Variants in NOTO observed in about 807,000 individuals in gnomAD.
NOTO encodes homeobox protein notochord.
In NOTO, 19 loss-of-function variants were observed where a neutral mutation model predicts 20.5. The observed-to-expected ratio is 0.93, with a 90% CI of 0.65 to 1.36. The LOEUF is 1.36. NOTO is among the 40% of genes most tolerant of loss of function. NOTO has a pLI of 0.00. For missense variants in NOTO, 369 were observed against 336.2 expected (o/e 1.10, Z -0.76); for synonymous variants, 150 against 150.2 (o/e 1.00, Z 0.01).
Position 73,209,174 on chromosome 2 carries a change from C to CAA in NOTO, c.597+577_597+578dup, listed in dbSNP as rs1214608418. 6.9e-3 allele frequency among the ~76,000 whole-genome samples: 367 copies of CAA among 53,220 alleles called. 3 individuals carry two copies. Among genetic ancestry groups the CAA allele is most frequent in the African/African-American group, 0.021 (325 of 15,474 alleles). The allele number at this position is 53,220 out of a possible 152,430, so 34.9% of individuals were successfully genotyped here. On this transcript the variant is annotated intron_variant, in intron 2 of 2. Coordinates refer to ENST00000398468, the MANE Select transcript of NOTO (RefSeq NM_001134462.2). ...TGGGCAACATTTGGAGAGCCCGTCT[C>CAA]AAAAAAAAAAAAAAAAAAGAAGAAG... is the stretch of plus-strand genomic sequence containing the variant.
rs1166924214 is a variant in NOTO, at chr2:73,211,152, G to A, written c.*223G>A. On this transcript the variant is annotated 3_prime_UTR_variant, in exon 3 of 3. Transcript: ENST00000398468. ...CAGCTATGTCCTTGGCCAACCTATGGAACTTCCGAGCCTTTTTTCTTTATC... is the reference window on the plus strand; with the variant it reads ...CAGCTATGTCCTTGGCCAACCTATGAAACTTCCGAGCCTTTTTTCTTTATC... 1 of 497,518 alleles carries A rather than the reference G, an allele frequency of 2.0e-6. No homozygotes were observed. The highest frequency in any genetic ancestry group is 3.3e-5 in the East Asian group (1 of 30,162). The allele number at this position is 497,518 out of a possible 1,614,324, so 30.8% of individuals were successfully genotyped here. A position where few individuals can be genotyped will look rare whatever the true frequency, so the allele number is the denominator to read the frequency against.
intron 2 of NOTO, among the ~76,000 whole-genome samples, chr2:73,210,018 G>A (rs1686156522): frequency 6.6e-6 from 1 of 152,060 alleles, no homozygotes; most frequent in Non-Finnish European, 1.5e-5. Context: ...GCTCTCCCGG[G>A]GCCGCTGCAG....
chr2:73,203,987 T>C lies in NOTO; in HGVS notation c.382+939T>C, dbSNP rs1285240568. ...GGTGGCGCGTGCCTGTAGTCCCAGC[T>C]ACACAGGAGGCTGAGGCAGGAGAAT... On this transcript the variant is annotated intron_variant, in intron 1 of 2. Transcript: ENST00000398468. Among the ~76,000 whole-genome samples, 9 of 124,464 alleles carry C rather than the reference T, an allele frequency of 7.2e-5. 3 individuals carry two copies. The highest frequency in any genetic ancestry group is 3.4e-4 in the African/African-American group (9 of 26,756). The allele number at this position is 124,464 out of a possible 152,430, so 81.7% of individuals were successfully genotyped here. A position where few individuals can be genotyped will look rare whatever the true frequency, so the allele number is the denominator to read the frequency against.
rs1397069666 is a variant in NOTO at position 73,208,586 on chromosome 2, C to A, written c.569C>A (p.Ala190Glu). 9 of 1,551,088 alleles carry A rather than the reference C, an allele frequency of 5.8e-6. No individual in the cohort carries two copies. The Admixed American group carries it at 1.8e-4, about 30-fold the overall frequency. Reference sequence around the variant, plus strand: ...GTGGGGAAGAAGAGAGCCCAGCTGGCAGCTCGGCTCAAACTTACAGAGAAC... The same window carrying A: ...GTGGGGAAGAAGAGAGCCCAGCTGGAAGCTCGGCTCAAACTTACAGAGAAC... The part of the protein sequence containing the change: ...NLVGKKRAQL[A>E]ARLKLTENQV... Residue 190 changes from alanine (A) to glutamate (E), a missense_variant, in exon 2 of 3, where the codon GCA becomes GAA. By Grantham distance (107) the Ala-to-Glu change is moderately radical (BLOSUM62 -1). Transcript: ENST00000398468.
chr2:73,210,191 C>A (rs969422245), intron 2 of NOTO, among the ~76,000 whole-genome samples: 1 of 152,210 alleles, frequency 6.6e-6, no homozygotes, highest in Non-Finnish European at 1.5e-5. Context: ...TGATCTGGCA[C>A]CCGCTGACCT....
intron 1 of NOTO, among the ~76,000 whole-genome samples, chr2:73,204,098 C>CAA (rs1189040660): frequency 0.012 from 336 of 27,234 alleles, 20 homozygotes; most frequent in African/African-American, 0.054. Flanking sequence ...AACTCCGTCT[C>CAA]AAAAAAAAAA....
chr2:73,203,182 C>G lies in NOTO; in HGVS notation c.382+134C>G, dbSNP rs538372896. 60 of 786,126 alleles carry G rather than the reference C, an allele frequency of 7.6e-5. 1 individual carries two copies. Among genetic ancestry groups the G allele is most frequent in the Non-Finnish European group, 1.0e-4 (56 of 560,720 alleles). 48.7% of individuals were successfully genotyped at this position (786,126 alleles called of 1,614,324 possible). A position where few individuals can be genotyped will look rare whatever the true frequency, so the allele number is the denominator to read the frequency against. ...CACACGGCTGGAGTGGGAAGGGGCT[C>G]TGCCACCGTTTACCTTGCAGTTGAA... On this transcript the variant is annotated intron_variant, in intron 1 of 2. Coordinates refer to ENST00000398468, the MANE Select transcript of NOTO (RefSeq NM_001134462.2).
At position 73,204,870 on chromosome 2, in the gene NOTO, A is replaced by ATTTTTTTTTTTTTT. The variant is rs763001329; in HGVS notation, c.382+1830_382+1831insTTTTTTTTTTTTTT. ...CAAGCCCCAGCACCATGCCCGGCTA[A>ATTTTTTTTTTTTTT]TTTTTTTTATTTTTTTATTTTTTTT... On this transcript the variant is annotated intron_variant, in intron 1 of 2. Coordinates refer to ENST00000398468, the MANE Select transcript of NOTO (RefSeq NM_001134462.2). Among the ~76,000 whole-genome samples the ATTTTTTTTTTTTTT allele has an allele frequency of 4.3e-5, 4 of 93,014 alleles. 1 individual carries two copies. Among genetic ancestry groups the ATTTTTTTTTTTTTT allele is most frequent in the African/African-American group, 1.2e-4 (2 of 16,666 alleles). 61.0% of individuals were successfully genotyped at this position (93,014 alleles called of 152,430 possible).
rs576678553 is a variant in NOTO at position 73,202,796 on chromosome 2, C to T, written c.130C>T (p.Arg44Cys). ...CCCGAACACGCCCCGCGCTCCCGGACGCTTCGAGTCCCCTTTCTCGGTCGA... is the reference window on the plus strand; with the variant it reads ...CCCGAACACGCCCCGCGCTCCCGGATGCTTCGAGTCCCCTTTCTCGGTCGA... ...TGPNTPRAPG[R>C]FESPFSVEAI... Residue 44 changes from arginine to cysteine, a missense_variant, in exon 1 of 3, where the codon CGC (arginine) becomes TGC (cysteine). Transcript: ENST00000398468. The T allele has an allele frequency of 2.6e-6, 4 of 1,526,118 alleles. No homozygotes were observed. In the East Asian group the frequency reaches 7.6e-5, roughly 29 times the overall value. The allele number at this position is 1,526,118 out of a possible 1,614,324, so 94.5% of individuals were successfully genotyped here. A position where few individuals can be genotyped will look rare whatever the true frequency, so the allele number is the denominator to read the frequency against.
intron 1 of NOTO, among the ~76,000 whole-genome samples, chr2:73,208,142 A>C (rs1482778129): frequency 6.6e-6 from 1 of 152,268 alleles, no homozygotes; most frequent in Non-Finnish European, 1.5e-5. Flanking sequence ...CTTAGGGGCC[A>C]GAAGTGAAGC....
intron 1 of NOTO, among the ~76,000 whole-genome samples, chr2:73,206,168 G>A (rs1390670589): frequency 2.0e-5 from 3 of 151,744 alleles, no homozygotes; most frequent in African/African-American, 7.3e-5. Context: ...ATTTTTTTTA[G>A]TGCAAGGTAT....
Position 73,210,911 on chromosome 2 carries a change from G to C in NOTO, c.738G>C (p.Glu246Asp). The change falls in exon 3 of 3, where the codon GAG becomes GAC. Residue 246 changes from glutamate (E) to aspartate (D), a missense_variant. Coordinates refer to ENST00000398468, the MANE Select transcript of NOTO (RefSeq NM_001134462.2). Reference protein sequence around the residue: ...SIASIQSDDAESGVDG With the variant: ...SIASIQSDDADSGVDG The stretch of plus-strand genomic sequence containing the variant: ...CCAGTATCCAGAGTGATGATGCCGA[G>C]TCAGGAGTGGACGGCTGAAGACTGG... The C allele has an allele frequency of 1.3e-6, 2 of 1,551,308 alleles. No individual in the cohort carries two copies. Among genetic ancestry groups the C allele is most frequent in the South Asian group, 2.4e-5 (2 of 83,964 alleles).
At chr2:73,204,870 A>ATT (rs763001329) in intron 1 of NOTO, among the ~76,000 whole-genome samples, 2,063 of 92,542 alleles carry the variant, frequency 0.022, 241 homozygotes, top group African/African-American at 0.048. Context: ...TGCCCGGCTA[A>ATT]TTTTTTTTAT....
In NOTO at chr2:73,202,613, T is replaced by G. The variant is rs1686017889; in HGVS notation, c.-54T>G. On this transcript the variant is annotated 5_prime_UTR_variant, in exon 1 of 3. Transcript: ENST00000398468. Reference sequence around the variant, plus strand: ...CTTGCTCGCTGCCTTTTGCAGAATCTTCTCACTTCTCCCGAGCTCCCTTCC... The same window carrying G: ...CTTGCTCGCTGCCTTTTGCAGAATCGTCTCACTTCTCCCGAGCTCCCTTCC... 1.4e-6 allele frequency: 2 copies of G among 1,391,960 alleles called. No homozygotes were observed. The highest frequency in any genetic ancestry group is 3.0e-5 in the East Asian group (1 of 33,278). The allele number at this position is 1,391,960 out of a possible 1,614,324, so 86.2% of individuals were successfully genotyped here.
Position 73,210,861 on chromosome 2 carries a change from G to A in NOTO, c.688G>A (p.Asp230Asn). 6.4e-7 allele frequency: 1 copy of A among 1,551,670 alleles called. No homozygotes were observed. Among genetic ancestry groups the A allele is most frequent in the Non-Finnish European group, 8.7e-7 (1 of 1,146,952 alleles). ...AVTSAEAASL[D>N]EPSSSSIASI... ...TACATCTGCCGAGGCTGCCTCCCTG[G>A]ATGAGCCTTCCAGCAGCTCCATCGC... is the stretch of plus-strand genomic sequence containing the variant. The change falls in exon 3 of 3, where the codon GAT becomes AAT. Residue 230 changes from aspartate to asparagine, a missense_variant. Transcript: ENST00000398468.
Position 73,210,877 on chromosome 2 carries a change from G to C in NOTO, c.704G>C (p.Ser235Thr). 1 of 1,551,718 alleles carries C rather than the reference G, an allele frequency of 6.4e-7. No homozygotes were observed. Among genetic ancestry groups the C allele is most frequent in the Non-Finnish European group, 8.7e-7 (1 of 1,146,988 alleles). The change falls in exon 3 of 3, where the codon AGC (serine) becomes ACC (threonine). Residue 235 changes from serine (S) to threonine (T), a missense_variant. Ser to Thr is a moderately conservative substitution (Grantham distance 58, BLOSUM62 1). Coordinates refer to ENST00000398468, the MANE Select transcript of NOTO (RefSeq NM_001134462.2). ...EAASLDEPSS[S>T]SIASIQSDDA... is the part of the protein sequence containing the mutation. The stretch of plus-strand genomic sequence containing the variant: ...GCCTCCCTGGATGAGCCTTCCAGCA[G>C]CTCCATCGCCAGTATCCAGAGTGAT...
At chr2:73,209,288 C>T (rs746176467) in intron 2 of NOTO, among the ~76,000 whole-genome samples, 3 of 151,874 alleles carry the variant, frequency 2.0e-5, no homozygotes, top group Non-Finnish European at 4.4e-5. Flanking sequence ...TATAATTTCT[C>T]TGCTCCTTTT....
chr2:73,205,982 C>T lies in NOTO; in HGVS notation c.383-2418C>T, dbSNP rs534242619. On this transcript the variant is annotated intron_variant, in intron 1 of 2. Coordinates refer to ENST00000398468, the MANE Select transcript of NOTO (RefSeq NM_001134462.2). ...GAACTCCTGGGCTCAAGTGATCCTC[C>T]TGCCTCAGCCTCCCAAACTGCTGGG... Among the ~76,000 whole-genome samples, 4 of 152,332 alleles carry T rather than the reference C, an allele frequency of 2.6e-5. No individual in the cohort carries two copies. The East Asian group carries it at 7.7e-4, about 29-fold the overall frequency.
chr2:73,203,837 A>G (rs141530742), intron 1 of NOTO, among the ~76,000 whole-genome samples: 2,052 of 92,060 alleles, frequency 0.022, 53 homozygotes, highest in African/African-American at 0.057. Flanking sequence ...GCGGTGGCTC[A>G]CGCCTGTAAT....
Sources: allele counts gnomAD v4.1 joint callset (sites outside exome capture counted in the v4.1 genomes callset), GRCh38; gene constraint gnomAD v4.1.1; transcripts MANE v1.5; gene names NCBI Gene and HGNC (gene_info 2026-07-23, HGNC 2026-07-21).